The following SPATA13 variants were observed in gnomAD, a reference collection of about 807,000 sequenced individuals.
SPATA13 encodes the protein spermatogenesis associated 13, also known as spermatogenesis-associated protein 13.
In SPATA13, 50 loss-of-function variants were observed where a neutral mutation model predicts 104.0. That is an observed-to-expected ratio of 0.48 (90% CI 0.38 to 0.61). SPATA13 has a LOEUF of 0.61. Among genes scored for constraint, SPATA13 ranks in the 20% least tolerant of loss-of-function variants. SPATA13 has a pLI of 0.00. For synonymous variants in SPATA13, 606 were observed against 667.5 expected (o/e 0.91, Z 1.42); for missense variants, 1,524 against 1,690.6 (o/e 0.90, Z 1.73).
intron 3 of SPATA13, among the ~76,000 whole-genome samples, chr13:24,108,760 G>A (rs1017122330): frequency 3.9e-5 from 6 of 152,018 alleles, no homozygotes; most frequent in African/African-American, 1.5e-4. Flanking sequence ...TGGAGGCCCC[G>A]AGCCCACAGT....
intron 2 of SPATA13, among the ~76,000 whole-genome samples, chr13:24,242,415 T>C (rs1185914444): frequency 6.6e-6 from 1 of 152,216 alleles, no homozygotes; most frequent in Non-Finnish European, 1.5e-5. Flanking sequence ...GCAGTATCAA[T>C]TGCTGCCAAG....
chr13:24,123,745 C>A (rs1881120595), intron 3 of SPATA13: 1 of 1,483,590 alleles, frequency 6.7e-7, no homozygotes, highest in Non-Finnish European at 9.4e-7. Context: ...AAAATAACAT[C>A]TTGGATAATG....
intron 3 of SPATA13, among the ~76,000 whole-genome samples, chr13:24,104,240 T>G (rs769063540): frequency 1.1e-4 from 12 of 112,722 alleles, no homozygotes; most frequent in African/African-American, 4.6e-4. Flanking sequence ...CTAGAATGGG[T>G]TTTTTTTTTT....
intron 3 of SPATA13, among the ~76,000 whole-genome samples, chr13:24,137,992 C>T (rs1362612669): frequency 6.6e-6 from 1 of 152,014 alleles, no homozygotes; most frequent in Non-Finnish European, 1.5e-5. Flanking sequence ...GGTCAGTTGC[C>T]TGGAGATGAT....
At chr13:24,292,647 TG>T (rs1876475783) in intron 9 of SPATA13, among the ~76,000 whole-genome samples, 1 of 151,118 alleles carries the variant, frequency 6.6e-6, no homozygotes, top group Non-Finnish European at 1.5e-5. Context: ...GAGTGGAGAG[TG>T]AATCATTATT....
chr13:24,190,293 T>TAA (rs1275200975), intron 1 of SPATA13, among the ~76,000 whole-genome samples: 13 of 7,850 alleles, frequency 1.7e-3, no homozygotes, highest in African/African-American at 1.8e-3. Flanking sequence ...ATATATAATA[T>TAA]TATATATTAT....
At chr13:23,985,874 C>A (rs973500869) in intron 2 of SPATA13, among the ~76,000 whole-genome samples, 4 of 152,140 alleles carry the variant, frequency 2.6e-5, no homozygotes, top group African/African-American at 9.7e-5. Flanking sequence ...AGCCAGCGGT[C>A]CATACGCTGA....
intron 3 of SPATA13, among the ~76,000 whole-genome samples, chr13:24,092,196 T>C (rs979735987): frequency 6.6e-6 from 1 of 152,350 alleles, no homozygotes; most frequent in Middle Eastern, 3.4e-3. Context: ...ACTTCTCCAA[T>C]GTTGATCTTT....
chr13:24,149,226 G>T (rs1882026214), intron 3 of SPATA13, among the ~76,000 whole-genome samples: 1 of 152,188 alleles, frequency 6.6e-6, no homozygotes, highest in Admixed American at 6.5e-5. Context: ...TCATTAGTGA[G>T]TCCTGAAATG....
chr13:24,233,471 T>C (rs1218577376), intron 2 of SPATA13, among the ~76,000 whole-genome samples: 1 of 152,200 alleles, frequency 6.6e-6, no homozygotes, highest in Admixed American at 6.5e-5. Context: ...TCTCCTAGAA[T>C]GTTTTTAGCT....
intron 3 of SPATA13, among the ~76,000 whole-genome samples, chr13:24,095,827 A>C (rs929907283): frequency 5.9e-5 from 9 of 152,126 alleles, no homozygotes; most frequent in Non-Finnish European, 8.8e-5. Flanking sequence ...AGCTGTAAAA[A>C]CCGTCATTTC....
chr13:24,144,273 G>A (rs529878449), intron 3 of SPATA13, among the ~76,000 whole-genome samples: 2 of 152,114 alleles, frequency 1.3e-5, no homozygotes, highest in Non-Finnish European at 2.9e-5. Flanking sequence ...CCTCGTGTAC[G>A]TCACAAACAT....
chr13:24,250,264 G>A (rs182118527), intron 3 of SPATA13, among the ~76,000 whole-genome samples: 16 of 152,258 alleles, frequency 1.1e-4, no homozygotes, highest in African/African-American at 3.6e-4. Flanking sequence ...TTTTTTAGGA[G>A]ATGAGAAAGT....
At position 24,248,108 on chromosome 13, in the gene SPATA13, G is replaced by A. The variant is rs1593459195; in HGVS notation, c.1654-1369G>A. On this transcript the variant is annotated intron_variant, in intron 2 of 12. Coordinates refer to ENST00000382108, the MANE Select transcript of SPATA13 (RefSeq NM_001166271.3). ...GGAAGACGGAGGGCATGCAGGCAGGGCTTACAGGCCTCCACTCCTGCAGGT... is the reference window on the plus strand; with the variant it reads ...GGAAGACGGAGGGCATGCAGGCAGGACTTACAGGCCTCCACTCCTGCAGGT... Among the ~76,000 whole-genome samples the A allele has an allele frequency of 2.0e-5, 3 of 152,192 alleles. No homozygotes were observed. The South Asian group carries it at 6.2e-4, about 32-fold the overall frequency.
At chr13:24,292,897 G>A (rs1430334913) in intron 9 of SPATA13, among the ~76,000 whole-genome samples, 1 of 149,500 alleles carries the variant, frequency 6.7e-6, no homozygotes, top group Non-Finnish European at 1.5e-5. Flanking sequence ...TTGGGAGGCT[G>A]AGGCACGAAA....
At chr13:23,989,648 TG>T (rs1331377724) in intron 2 of SPATA13, among the ~76,000 whole-genome samples, 1 of 152,212 alleles carries the variant, frequency 6.6e-6, no homozygotes, top group African/African-American at 2.4e-5. Context: ...TTTGCTGTCT[TG>T]CTTCTCCACA....
Position 24,097,459 on chromosome 13 carries a change from T to G in SPATA13, c.-112+79758T>G, listed in dbSNP as rs562297337. Among the ~76,000 whole-genome samples, 14 of 152,212 alleles carry G rather than the reference T, an allele frequency of 9.2e-5. No individual in the cohort carries two copies. In the South Asian group the frequency reaches 2.5e-3, roughly 27 times the overall value. On this transcript the variant is annotated intron_variant, in intron 3 of 14. Coordinates refer to the SPATA13 transcript ENST00000424834. ...TAAACCTCAGTTTTGAGTGTGTGGG[T>G]GATGACCACTTTTTCCTAGCTCAAA...
At chr13:24,269,874 C>T (rs1456318693) in intron 4 of SPATA13, among the ~76,000 whole-genome samples, 1 of 148,906 alleles carries the variant, frequency 6.7e-6, no homozygotes, top group Non-Finnish European at 1.5e-5. Flanking sequence ...CAGGTGTGAG[C>T]TACCTTGCCC....
At chr13:24,050,806 C>T (rs757933157) in intron 3 of SPATA13, among the ~76,000 whole-genome samples, 1 of 152,202 alleles carries the variant, frequency 6.6e-6, no homozygotes, top group Non-Finnish European at 1.5e-5. Flanking sequence ...CCTCATGCCA[C>T]CCACCACGTG....
Sources: gnomAD v4.1 joint callset for allele counts (sites outside exome capture counted in the v4.1 genomes callset) on GRCh38, gnomAD v4.1.1 for gene constraint, MANE v1.5 for transcripts, NCBI Gene and HGNC (gene_info 2026-07-23, HGNC 2026-07-21) for gene names.